The following MFSD1 variants were observed in gnomAD, a reference collection of about 807,000 sequenced individuals.
The protein encoded by MFSD1 is lysosomal dipeptide transporter MFSD1.
MFSD1 carries 59 observed loss-of-function variants against 67.1 expected under a neutral mutation model. The ratio of observed to expected loss-of-function variants is 0.88; its 90% CI spans 0.71 to 1.09. MFSD1 has a LOEUF of 1.09. Among genes scored for constraint, MFSD1 ranks in the 50% least tolerant of loss-of-function variants. The pLI is 0.00. For synonymous variants in MFSD1, 213 were observed against 200.3 expected, an observed-to-expected ratio of 1.06 and a Z score of -0.54; for missense variants, 552 against 566.1, an observed-to-expected ratio of 0.97 and a Z score of 0.25.
At chr3:158,803,156 T>G (rs1729544592) in intron 1 of MFSD1, among the ~76,000 whole-genome samples, 1 of 152,186 alleles carries the variant, frequency 6.6e-6, no homozygotes, top group African/African-American at 2.4e-5. Flanking sequence ...AGAAAAAAAT[T>G]TTCCTTCCTA....
intron 2 of MFSD1, among the ~76,000 whole-genome samples, chr3:158,804,662 T>C (rs1729631013): frequency 6.6e-6 from 1 of 152,232 alleles, no homozygotes; most frequent in East Asian, 1.9e-4. Context: ...TGTTTGCATT[T>C]CACTCTCCCA....
chr3:158,812,727 A>G (rs1576903266), intron 6 of MFSD1, among the ~76,000 whole-genome samples: 1 of 152,286 alleles, frequency 6.6e-6, no homozygotes, highest in African/African-American at 2.4e-5. Context: ...TGCCACTTCT[A>G]TACTCAAACC....
At chr3:158,812,039 A>G (rs995772152) in intron 6 of MFSD1, among the ~76,000 whole-genome samples, 1 of 152,252 alleles carries the variant, frequency 6.6e-6, no homozygotes, top group African/African-American at 2.4e-5. Context: ...TGTTGAAATA[A>G]TGAGTTTTCA....
intron 8 of MFSD1, 138 bp downstream of exon 8, chr3:158,819,885 G>A: frequency 1.9e-6 from 1 of 525,846 alleles, no homozygotes; most frequent in Non-Finnish European, 3.3e-6. Flanking sequence ...TTTCCAAATT[G>A]ATTTCCACTT....
At chr3:158,826,987 A>G (rs947819429) in intron 14 of MFSD1, among the ~76,000 whole-genome samples, 2 of 151,978 alleles carry the variant, frequency 1.3e-5, no homozygotes, top group Non-Finnish European at 2.9e-5. Flanking sequence ...AATTTTCACT[A>G]TTATTGAATA....
intron 6 of MFSD1, 24 bp downstream of exon 6, chr3:158,809,311 G>A: frequency 7.0e-7 from 1 of 1,433,212 alleles, no homozygotes; most frequent in East Asian, 2.3e-5. Context: ...AAAGCCTGAT[G>A]AAGCCAAATG....
At position 158,809,339 on chromosome 3, in the gene MFSD1, C is replaced by T. The variant is rs1171720873; in HGVS notation, c.549+52C>T. The T allele has an allele frequency of 4.4e-6, 5 of 1,144,662 alleles. No homozygotes were observed. In the East Asian group the frequency reaches 9.5e-5, roughly 22 times the overall value. 70.9% of individuals were successfully genotyped at this position (1,144,662 alleles called of 1,614,324 possible). ...GCCAAATGGAAGCAAAAGATTAAATCTTATAGTTCTCTTAAAAATCACAGG... is the reference window on the plus strand; with the variant it reads ...GCCAAATGGAAGCAAAAGATTAAATTTTATAGTTCTCTTAAAAATCACAGG... On this transcript the variant is annotated intron_variant, in intron 6 of 15. Coordinates refer to ENST00000415822, the MANE Select transcript of MFSD1 (RefSeq NM_022736.4).
At chr3:158,815,041 C>T (rs934181986) in intron 7 of MFSD1, among the ~76,000 whole-genome samples, 3 of 152,140 alleles carry the variant, frequency 2.0e-5, no homozygotes, top group Admixed American at 6.5e-5. Context: ...GAGATCACGC[C>T]GTTGCACTCC....
At position 158,825,904 on chromosome 3, in the gene MFSD1, G is replaced by A. The variant is rs538804795; in HGVS notation, c.1289-111G>A. On this transcript the variant is annotated intron_variant, in intron 13 of 15. Coordinates refer to ENST00000415822, the MANE Select transcript of MFSD1 (RefSeq NM_022736.4). ...GGGAATAATATTTTTATTTAAAATAGCAATTAATAAAGGTTTGATTGTGTC... is the reference window on the plus strand; with the variant it reads ...GGGAATAATATTTTTATTTAAAATAACAATTAATAAAGGTTTGATTGTGTC... The A allele has an allele frequency of 2.3e-4, 173 of 766,462 alleles. 1 individual carries two copies. In the Middle Eastern group the frequency reaches 2.4e-3, roughly 11 times the overall value. The allele number at this position is 766,462 out of a possible 1,614,324, so 47.5% of individuals were successfully genotyped here.
intron 14 of MFSD1, 93 bp downstream of exon 14, chr3:158,826,155 C>T (rs1420666145): frequency 2.2e-6 from 2 of 914,082 alleles, no homozygotes; most frequent in South Asian, 1.4e-5. Flanking sequence ...GTGCTTTATT[C>T]CATGCAGTAA....
intron 3 of MFSD1, 74 bp from the exon 4 acceptor site, chr3:158,806,966 A>G (rs1375315593): frequency 3.2e-6 from 4 of 1,265,864 alleles, no homozygotes; most frequent in East Asian, 2.5e-5. Flanking sequence ...GATTACTAAT[A>G]CTAATGTAAA....
chr3:158,823,476 A>T lies in MFSD1; in HGVS notation c.1126A>T (p.Met376Leu). The T allele has an allele frequency of 6.2e-7, 1 of 1,613,856 alleles. No homozygotes were observed. Among genetic ancestry groups the T allele is most frequent in the Non-Finnish European group, 8.5e-7 (1 of 1,179,772 alleles). The change falls in exon 12 of 16, where the codon ATG (methionine) becomes TTG (leucine). Residue 376 changes from methionine (M) to leucine (L), a missense_variant. Transcript: ENST00000415822. ...YSLLACALWP[M>L]VAFVVPEHQL... ...ATTGCTTGCCTGTGCATTGTGGCCAATGGTGGCATTTGTAGTTCCTGAACA... is the reference window on the plus strand; with the variant it reads ...ATTGCTTGCCTGTGCATTGTGGCCATTGGTGGCATTTGTAGTTCCTGAACA...
intron 15 of MFSD1, 83 bp downstream of exon 15, chr3:158,827,420 G>GTTTTTTTT: frequency 2.1e-6 from 1 of 477,024 alleles, no homozygotes. Flanking sequence ...GGGCTTTGAA[G>GTTTTTTTT]TTTTTTTTTT....
chr3:158,807,248 A>G (rs144444377), intron 4 of MFSD1, 148 bp from the exon 5 acceptor site: 49 of 916,252 alleles, frequency 5.3e-5, no homozygotes, highest in Non-Finnish European at 7.3e-5. Context: ...CTTGAAATAA[A>G]TGAACATTAA....
At chr3:158,810,791 T>TTA (rs1461456813) in intron 6 of MFSD1, among the ~76,000 whole-genome samples, 1 of 152,238 alleles carries the variant, frequency 6.6e-6, no homozygotes, top group African/African-American at 2.4e-5. Context: ...CTTTATCACT[T>TTA]TGATAGGAAA....
intron 3 of MFSD1, among the ~76,000 whole-genome samples, 168 bp downstream of exon 3, chr3:158,805,642 C>T (rs1041143172): frequency 6.6e-5 from 10 of 152,096 alleles, no homozygotes; most frequent in Admixed American, 1.3e-4. Context: ...GTTTTTGAAA[C>T]GTGGTATTTC....
intron 13 of MFSD1, among the ~76,000 whole-genome samples, chr3:158,825,500 A>G (rs1053344006): frequency 6.6e-6 from 1 of 152,228 alleles, no homozygotes; most frequent in Non-Finnish European, 1.5e-5. Flanking sequence ...CACTTATTAA[A>G]GGAAAAAGCC....
chr3:158,828,390 G>A (rs947747863), intron 15 of MFSD1, among the ~76,000 whole-genome samples: 1 of 151,850 alleles, frequency 6.6e-6, no homozygotes, highest in Non-Finnish European at 1.5e-5. Flanking sequence ...GGGTGGTTTT[G>A]GTCATATTAA....
At chr3:158,824,099 T>G (rs1730830699) in intron 12 of MFSD1, 25 bp from the exon 13 acceptor site, 1 of 1,522,588 alleles carries the variant, frequency 6.6e-7, no homozygotes, top group South Asian at 1.1e-5. Flanking sequence ...AAATGAAATG[T>G]GTCTTTATAT....
Sources: allele counts gnomAD v4.1 joint callset (sites outside exome capture counted in the v4.1 genomes callset), GRCh38; gene constraint gnomAD v4.1.1; transcripts MANE v1.5; gene names NCBI Gene and HGNC (gene_info 2026-07-23, HGNC 2026-07-21).